Variants in SLC44A5 observed in about 807,000 individuals in gnomAD.
SLC44A5 encodes choline transporter-like protein 5.
In SLC44A5, 57 loss-of-function variants were observed where a neutral mutation model predicts 101.8. The ratio of observed to expected loss-of-function variants is 0.56; its 90% CI spans 0.45 to 0.70. SLC44A5 has a LOEUF of 0.70. Among genes scored for constraint, SLC44A5 ranks in the 30% least tolerant of loss-of-function variants. The probability of loss-of-function intolerance (pLI) is 0.00; values close to 1 mark genes in which losing one functional copy is unlikely to be tolerated. For missense variants in SLC44A5, 737 were observed against 853.1 expected (o/e 0.86, Z 1.70); for synonymous variants, 281 against 290.9 (o/e 0.97, Z 0.35).
intron 9 of SLC44A5, 116 bp from the exon 10 acceptor site, chr1:75,238,752 G>T: frequency 1.6e-6 from 1 of 614,880 alleles, no homozygotes; most frequent in Non-Finnish European, 2.6e-6. Context: ...CATGCAAATT[G>T]CTCAATATAG....
the SLC44A5 span, among the ~76,000 whole-genome samples, chr1:75,678,957 T>G: frequency 6.6e-6 from 1 of 151,812 alleles, no homozygotes; most frequent in African/African-American, 2.4e-5. Flanking sequence ...GAGAACTACG[T>G]GAAGAATGCA....
intron 9 of SLC44A5, among the ~76,000 whole-genome samples, chr1:75,239,697 T>A (rs1454914320): frequency 6.6e-6 from 1 of 151,936 alleles, no homozygotes; most frequent in Non-Finnish European, 1.5e-5. Flanking sequence ...TTAATCAGAG[T>A]TTTGGCCCCA....
intron 18 of SLC44A5, among the ~76,000 whole-genome samples, chr1:75,216,181 G>C (rs1279817022): frequency 1.3e-5 from 2 of 151,830 alleles, no homozygotes; most frequent in Non-Finnish European, 2.9e-5. Flanking sequence ...GTATAAATTT[G>C]CTTCTCCTAG....
At chr1:75,392,828 A>G (rs1156279058) in intron 3 of SLC44A5, among the ~76,000 whole-genome samples, 1 of 152,196 alleles carries the variant, frequency 6.6e-6, no homozygotes, top group Non-Finnish European at 1.5e-5. Flanking sequence ...AGCCACAAAA[A>G]GAGAGAAATT....
chr1:75,547,141 C>T (rs890542567), intron 1 of SLC44A5, among the ~76,000 whole-genome samples: 1 of 152,024 alleles, frequency 6.6e-6, no homozygotes, highest in Non-Finnish European at 1.5e-5. Context: ...GGGATAAGAC[C>T]ACACTGAAGA....
chr1:75,674,093 G>A, the SLC44A5 span, among the ~76,000 whole-genome samples: 1 of 152,218 alleles, frequency 6.6e-6, no homozygotes, highest in African/African-American at 2.4e-5. Context: ...GTCACAGAGA[G>A]AGAGAGATAT....
chr1:75,348,178 C>G (rs994284670), intron 3 of SLC44A5, among the ~76,000 whole-genome samples: 1 of 151,948 alleles, frequency 6.6e-6, no homozygotes, highest in Non-Finnish European at 1.5e-5. Context: ...CTCTCTCTCT[C>G]TGTCAAAGCA....
In SLC44A5 at chr1:75,520,579, G is replaced by C. The variant is rs1399653959; in HGVS notation, c.13+20856C>G. Reference sequence around the variant, plus strand: ...TGAAAGAAAGAATGAGAAAGAGGAGGGGAAAGGTGGGTAAGAAGGGAGGAA... The same window carrying C: ...TGAAAGAAAGAATGAGAAAGAGGAGCGGAAAGGTGGGTAAGAAGGGAGGAA... On this transcript the variant is annotated intron_variant, in intron 2 of 23. Transcript: ENST00000370859. Among the ~76,000 whole-genome samples, 4 of 152,094 alleles carry C rather than the reference G, an allele frequency of 2.6e-5. No homozygotes were observed. In the East Asian group the frequency reaches 7.7e-4, roughly 29 times the overall value.
chr1:75,628,941 A>T, the SLC44A5 span, among the ~76,000 whole-genome samples: 7 of 152,286 alleles, frequency 4.6e-5, no homozygotes, highest in African/African-American at 1.4e-4. Flanking sequence ...TCCCATCTCA[A>T]CTAGTTGCAT....
At chr1:75,349,119 G>T (rs2101062221) in intron 3 of SLC44A5, among the ~76,000 whole-genome samples, 1 of 152,328 alleles carries the variant, frequency 6.6e-6, no homozygotes, top group East Asian at 1.9e-4. Flanking sequence ...GGAGGCCAAG[G>T]CGTGTGGATC....
At chr1:75,526,449 A>G (rs562083070) in intron 2 of SLC44A5, among the ~76,000 whole-genome samples, 1 of 152,344 alleles carries the variant, frequency 6.6e-6, no homozygotes, top group Admixed American at 6.5e-5. Context: ...TGAGCTATGC[A>G]GCCACTTCCA....
intron 2 of SLC44A5, among the ~76,000 whole-genome samples, chr1:75,477,742 T>C (rs1246986588): frequency 6.6e-6 from 1 of 152,124 alleles, no homozygotes; most frequent in Non-Finnish European, 1.5e-5. Context: ...CCAAGAAATA[T>C]GGGACTATGT....
At chr1:75,528,616 CA>C (rs1227127028) in intron 2 of SLC44A5, among the ~76,000 whole-genome samples, 1 of 152,166 alleles carries the variant, frequency 6.6e-6, no homozygotes, top group African/African-American at 2.4e-5. Flanking sequence ...CAACTTTCTC[CA>C]GAATGCAGCC....
the SLC44A5 span, among the ~76,000 whole-genome samples, chr1:75,620,082 G>A: frequency 6.6e-6 from 1 of 152,138 alleles, no homozygotes; most frequent in Admixed American, 6.5e-5. Flanking sequence ...AACATGTGGT[G>A]TTTGGTTTTC....
At chr1:75,451,806 TA>T (rs934536708) in intron 2 of SLC44A5, among the ~76,000 whole-genome samples, 1 of 151,920 alleles carries the variant, frequency 6.6e-6, no homozygotes, top group Non-Finnish European at 1.5e-5. Flanking sequence ...AAAATTTTTT[TA>T]AAAAAAATTT....
At chr1:75,205,490 T>G (rs2100420704) in intron 23 of SLC44A5, 1 of 152,300 alleles carries the variant, frequency 6.6e-6, no homozygotes, top group South Asian at 2.1e-4. Flanking sequence ...TGCTTTGTTC[T>G]GCCATTCAAA....
At chr1:75,545,824 CTTTT>C (rs57147182) in intron 1 of SLC44A5, among the ~76,000 whole-genome samples, 7 of 136,164 alleles carry the variant, frequency 5.1e-5, no homozygotes, top group Middle Eastern at 3.7e-3. Context: ...TTTTTCTTTT[CTTTT>C]TTTTTTTTTC....
At chr1:75,228,146 A>G (rs910640613) in intron 12 of SLC44A5, among the ~76,000 whole-genome samples, 1 of 152,176 alleles carries the variant, frequency 6.6e-6, no homozygotes, top group Admixed American at 6.5e-5. Flanking sequence ...ACATCATGAT[A>G]TATTTGTTCA....
the SLC44A5 span, among the ~76,000 whole-genome samples, chr1:75,667,733 G>A: frequency 6.6e-6 from 1 of 152,124 alleles, no homozygotes; most frequent in Non-Finnish European, 1.5e-5. Flanking sequence ...TTGGGGAAAT[G>A]GAATGAAGTG....
Sources: gnomAD v4.1 joint callset for allele counts (sites outside exome capture counted in the v4.1 genomes callset) on GRCh38, gnomAD v4.1.1 for gene constraint, MANE v1.5 for transcripts, NCBI Gene and HGNC (gene_info 2026-07-23, HGNC 2026-07-21) for gene names.